Variants in TEC observed in about 807,000 individuals in gnomAD.
TEC encodes tyrosine-protein kinase Tec.
In TEC, 72 loss-of-function variants were observed where a neutral mutation model predicts 93.0. That is an observed-to-expected ratio of 0.77 (90% CI 0.64 to 0.94). The LOEUF is 0.94. Among genes scored for constraint, TEC ranks in the 40% least tolerant of loss-of-function variants. The pLI is 0.00. For synonymous variants in TEC, 249 were observed against 247.7 expected (o/e 1.01, Z -0.05); for missense variants, 630 against 757.9 (o/e 0.83, Z 1.98).
chr4:48,155,822 T>C (rs1018091154), intron 9 of TEC: 8 of 152,138 alleles, frequency 5.3e-5, no homozygotes, highest in African/African-American at 1.9e-4. Flanking sequence ...TGGATGGCAG[T>C]TCCAAGGTGA....
chr4:48,212,110 A>AAAAAAAAAAATATATATATAT, intron 2 of TEC, among the ~76,000 whole-genome samples: 1 of 122,266 alleles, frequency 8.2e-6, no homozygotes, highest in African/African-American at 3.0e-5. Flanking sequence ...AAAAAAAAAA[A>AAAAAAAAAAATATATATATAT]ATATATATAT....
chr4:48,139,076 T>C (rs1719554939), intron 15 of TEC, 54 bp from the exon 16 acceptor site: 2 of 1,452,052 alleles, frequency 1.4e-6, no homozygotes, highest in African/African-American at 1.4e-5. Flanking sequence ...CTGTTTTTTC[T>C]ACTTGCTCTT....
At chr4:48,224,431 C>T (rs187111478) in intron 2 of TEC, among the ~76,000 whole-genome samples, 428 of 152,228 alleles carry the variant, frequency 2.8e-3, no homozygotes, top group Non-Finnish European at 4.7e-3. Context: ...TTCCTTGGTT[C>T]CCACCTCATT....
rs781235286 is a variant in TEC, at chr4:48,145,055, G to A, written c.1470+24C>T. 4 of 1,606,554 alleles carry A rather than the reference G, an allele frequency of 2.5e-6. No individual in the cohort carries two copies. The South Asian group carries it at 3.3e-5, about 13-fold the overall frequency. On this transcript the variant is annotated intron_variant, in intron 14 of 17. Coordinates refer to ENST00000381501, the MANE Select transcript of TEC (RefSeq NM_003215.3). The stretch of plus-strand genomic sequence containing the variant: ...TTACAAAGGAATTCAGCCAATGAGT[G>A]GGAATATGGGTGGCTAGGGTTACCA...
chr4:48,174,928 A>G lies in TEC; in HGVS notation c.243+1154T>C, dbSNP rs181804591. 9.8e-5 allele frequency among the ~76,000 whole-genome samples: 15 copies of G among 152,302 alleles called. No homozygotes were observed. In the East Asian group the frequency reaches 2.9e-3, roughly 29 times the overall value. On this transcript the variant is annotated intron_variant, in intron 3 of 17. Coordinates refer to ENST00000381501, the MANE Select transcript of TEC (RefSeq NM_003215.3). ...TTAATCCTCACAACAACCCCATGAA[A>G]TGAGTACTATTATTGTTATTATTCC...
intron 1 of TEC, among the ~76,000 whole-genome samples, chr4:48,266,020 G>A (rs1724631410): frequency 6.6e-6 from 1 of 152,182 alleles, no homozygotes; most frequent in Non-Finnish European, 1.5e-5. Context: ...AAAAAGCTGA[G>A]GAATCAGTAG....
chr4:48,179,366 ATATATATATATTTTTTTT>A (rs1387709572), intron 2 of TEC, among the ~76,000 whole-genome samples: 2 of 37,086 alleles, frequency 5.4e-5, no homozygotes, highest in African/African-American at 2.0e-4. Context: ...ATATATATAT[ATATATATATATTTTTTTT>A]TTTTTTTTTT....
intron 2 of TEC, among the ~76,000 whole-genome samples, chr4:48,188,507 C>G (rs1721973104): frequency 6.6e-6 from 1 of 152,082 alleles, no homozygotes; most frequent in African/African-American, 2.4e-5. Context: ...CAAGAAGAAG[C>G]AAACCTTCTT....
chr4:48,233,340 C>CT (rs34862159), intron 1 of TEC, among the ~76,000 whole-genome samples: 26,845 of 138,050 alleles, frequency 0.19, 3,116 homozygotes, highest in Middle Eastern at 0.29. Flanking sequence ...CCAATTGACA[C>CT]TTTTTTTTTT....
intron 2 of TEC, among the ~76,000 whole-genome samples, chr4:48,203,937 T>C (rs1302058179): frequency 6.6e-6 from 1 of 152,144 alleles, no homozygotes; most frequent in Admixed American, 6.5e-5. Context: ...CAAGGAGCCA[T>C]TATTAGAAAC....
intron 2 of TEC, among the ~76,000 whole-genome samples, chr4:48,179,376 A>ATATATATAT (rs1560393438): frequency 4.7e-5 from 1 of 21,164 alleles, no homozygotes; most frequent in Non-Finnish European, 8.4e-5. Flanking sequence ...ATATATATAT[A>ATATATATAT]TTTTTTTTTT....
At chr4:48,208,691 C>T (rs1174940400) in intron 2 of TEC, among the ~76,000 whole-genome samples, 1 of 152,160 alleles carries the variant, frequency 6.6e-6, no homozygotes, top group South Asian at 2.1e-4. Flanking sequence ...TCTCATGCGG[C>T]TTTACTTTTC....
In TEC at chr4:48,210,496, T is replaced by TGGAGGAGGAGGA. The variant is rs112088688; in HGVS notation, c.138+17969_138+17980dup. On this transcript the variant is annotated intron_variant, in intron 2 of 17. Transcript: ENST00000381501. ...TGAGACTGCCTCTTTATAAAAAAAA[T>TGGAGGAGGAGGA]GGAGGAGGAGGAGGAGGAGGATGAT... Among the ~76,000 whole-genome samples the TGGAGGAGGAGGA allele has an allele frequency of 1.0e-4, 15 of 147,744 alleles. No homozygotes were observed. The South Asian group carries it at 1.3e-3, about 13-fold the overall frequency.
chr4:48,150,998 A>G (rs1720140697), intron 9 of TEC, 56 bp from the exon 10 acceptor site: 2 of 1,128,598 alleles, frequency 1.8e-6, no homozygotes, highest in South Asian at 2.9e-5. Context: ...TAGCATTGCC[A>G]TGGAGAAGAC....
At chr4:48,139,152 T>G in intron 15 of TEC, 130 bp from the exon 16 acceptor site, 2 of 770,482 alleles carry the variant, frequency 2.6e-6, no homozygotes, top group Non-Finnish European at 4.2e-6. Context: ...CGGTTGAAGC[T>G]AAATGTTCAC....
rs781575566 is a variant in TEC at position 48,167,840 on chromosome 4, G to C, written c.609C>G (p.Gly203=). The change falls in exon 7 of 18, where the codon GGC becomes GGG. Residue 203 remains glycine, a synonymous_variant. Coordinates refer to ENST00000381501, the MANE Select transcript of TEC (RefSeq NM_003215.3). The part of the protein sequence containing the change: ...AEGHDLRLER[G]QEYLILEKND... Reference sequence around the variant, plus strand: ...TCTTTTCTAAAATGAGATACTCTTGGCCTCTCTCTAATCTGAGATCATGTC... The same window carrying C: ...TCTTTTCTAAAATGAGATACTCTTGCCCTCTCTCTAATCTGAGATCATGTC... 1.2e-6 allele frequency: 2 copies of C among 1,613,726 alleles called. No individual in the cohort carries two copies. The highest frequency in any genetic ancestry group is 3.3e-5 in the Admixed American group (2 of 59,994).
intron 1 of TEC, among the ~76,000 whole-genome samples, chr4:48,256,845 G>C (rs1577674773): frequency 1.3e-5 from 2 of 152,284 alleles, no homozygotes; most frequent in Middle Eastern, 6.8e-3. Flanking sequence ...TGGGGATAGA[G>C]TGTCTAGGAG....
At chr4:48,254,154 A>T (rs2109672526) in intron 1 of TEC, among the ~76,000 whole-genome samples, 1 of 152,346 alleles carries the variant, frequency 6.6e-6, no homozygotes, top group South Asian at 2.1e-4. Flanking sequence ...AACTAACGCA[A>T]ACATAAAAAG....
intron 1 of TEC, among the ~76,000 whole-genome samples, chr4:48,263,800 A>G (rs1724562159): frequency 6.6e-6 from 1 of 152,192 alleles, no homozygotes; most frequent in Admixed American, 6.5e-5. Context: ...TTTGCCCCCT[A>G]TGACAACTAT....
Sources: allele counts gnomAD v4.1 joint callset (sites outside exome capture counted in the v4.1 genomes callset), GRCh38; gene constraint gnomAD v4.1.1; transcripts MANE v1.5; gene names NCBI Gene and HGNC (gene_info 2026-07-23, HGNC 2026-07-21).